ZZEF1: variants seen among roughly 807,000 people sequenced by gnomAD.
The protein encoded by ZZEF1 is zinc finger ZZ-type and EF-hand domain containing 1.
ZZEF1 carries 157 observed loss-of-function variants against 342.8 expected under a neutral mutation model. The ratio of observed to expected loss-of-function variants is 0.46; its 90% CI spans 0.40 to 0.52. ZZEF1 has a LOEUF of 0.52. ZZEF1 is among the 20% of genes least tolerant of loss of function. ZZEF1 has a pLI of 0.00. For missense variants in ZZEF1, 3,480 were observed against 3,725.6 expected (o/e 0.93, Z 1.72); for synonymous variants, 1,505 against 1,429.1 (o/e 1.05, Z -1.20).
At chr17:4,074,852 C>T (rs1398713678) in intron 23 of ZZEF1, among the ~76,000 whole-genome samples, 1 of 152,270 alleles carries the variant, frequency 6.6e-6, no homozygotes, top group Non-Finnish European at 1.5e-5. Flanking sequence ...AACTACTCAA[C>T]TCTGCCACTG....
At chr17:4,060,521 C>G (rs563768506) in intron 30 of ZZEF1, among the ~76,000 whole-genome samples, 1 of 150,646 alleles carries the variant, frequency 6.6e-6, no homozygotes, top group African/African-American at 2.5e-5. Flanking sequence ...TGCACTCCAG[C>G]CTGGGTGACA....
At chr17:4,057,501 C>G (rs1248677951) in intron 32 of ZZEF1, among the ~76,000 whole-genome samples, 2 of 151,984 alleles carry the variant, frequency 1.3e-5, no homozygotes, top group Non-Finnish European at 2.9e-5. Context: ...CGGGCCAAAT[C>G]GGAGGGAAAA....
At chr17:4,116,670 G>A (rs1363620326) in intron 3 of ZZEF1, among the ~76,000 whole-genome samples, 1 of 152,146 alleles carries the variant, frequency 6.6e-6, no homozygotes, top group Non-Finnish European at 1.5e-5. Flanking sequence ...AACAATAAGC[G>A]CGATTTCCAC....
Position 4,025,249 on chromosome 17 carries a change from C to G in ZZEF1, c.6893-131G>C. 3.4e-6 allele frequency: 3 copies of G among 876,904 alleles called. No individual in the cohort carries two copies. In the South Asian group the frequency reaches 5.1e-5, roughly 15 times the overall value. The allele number at this position is 876,904 out of a possible 1,614,324, so 54.3% of individuals were successfully genotyped here. On this transcript the variant is annotated intron_variant, in intron 42 of 54. Transcript: ENST00000381638. ...GAAACATAAATCTCTCGGGCTCAGT[C>G]TTAGCCAATAAAGCCAGCTTGCAGG...
chr17:4,133,207 T>A (rs1019901618), intron 1 of ZZEF1, among the ~76,000 whole-genome samples: 1 of 152,138 alleles, frequency 6.6e-6, no homozygotes, highest in Non-Finnish European at 1.5e-5. Context: ...GAATCAATAT[T>A]TGGGCACTCG....
rs1202729091 is a variant in ZZEF1 at position 4,022,843 on chromosome 17, A to G, written c.7093-15T>C. 1 of 1,613,262 alleles carries G rather than the reference A, an allele frequency of 6.2e-7. No individual in the cohort carries two copies. The highest frequency in any genetic ancestry group is 8.5e-7 in the Non-Finnish European group (1 of 1,179,516). On this transcript the variant is annotated splice_polypyrimidine_tract_variant and intron_variant, in intron 43 of 54. Coordinates refer to ENST00000381638, the MANE Select transcript of ZZEF1 (RefSeq NM_015113.4). ...AAACCGTGAGCCTGCCAAGCAGAAG[A>G]AGAATGATGTGTGACTGCCTTGGAG...
At chr17:4,091,186 G>A (rs1314316545) in intron 11 of ZZEF1, among the ~76,000 whole-genome samples, 1 of 152,198 alleles carries the variant, frequency 6.6e-6, no homozygotes, top group Non-Finnish European at 1.5e-5. Context: ...TGCCAGAAAA[G>A]AGGCAGGCTT....
chr17:4,088,709 A>G lies in ZZEF1; in HGVS notation c.2210T>C (p.Leu737Pro). 1 of 1,614,132 alleles carries G rather than the reference A, an allele frequency of 6.2e-7. No homozygotes were observed. The highest frequency in any genetic ancestry group is 8.5e-7 in the Non-Finnish European group (1 of 1,180,028). ...ATGGGCGAGCTGCTGGATAAACTGA[A>G]GGGTCCTGAGGAGCAACGTGGCCCC... ...VCGATLLLRT[L>P]QFIQQLAHDL... Residue 737 changes from leucine to proline, a missense_variant, in exon 13 of 55, where the codon CTT (leucine) becomes CCT (proline). By Grantham distance (98) the Leu-to-Pro change is moderately conservative. Transcript: ENST00000381638.
At chr17:4,121,157 T>C (rs1017190674) in intron 2 of ZZEF1, among the ~76,000 whole-genome samples, 1 of 152,194 alleles carries the variant, frequency 6.6e-6, no homozygotes, top group Non-Finnish European at 1.5e-5. Flanking sequence ...ATTTCAGCAG[T>C]TGCCCAGCAC....
In ZZEF1 at chr17:4,042,422, C is replaced by A; in HGVS notation, c.6306+7G>T. 6.2e-7 allele frequency: 1 copy of A among 1,607,758 alleles called. No homozygotes were observed. Among genetic ancestry groups the A allele is most frequent in the East Asian group, 2.2e-5 (1 of 44,790 alleles). Reference sequence around the variant, plus strand: ...CACCCCCACTTTTAAAAATAAATTGCCCTTACCGACTTTAAGGGAGGTAAC... The same window carrying A: ...CACCCCCACTTTTAAAAATAAATTGACCTTACCGACTTTAAGGGAGGTAAC... On this transcript the variant is annotated splice_region_variant and intron_variant, in intron 39 of 54. Coordinates refer to ENST00000381638, the MANE Select transcript of ZZEF1 (RefSeq NM_015113.4).
At position 4,017,353 on chromosome 17, in the gene ZZEF1, C is replaced by G; in HGVS notation, c.8001+18G>C. 10 of 1,567,526 alleles carry G rather than the reference C, an allele frequency of 6.4e-6. No individual in the cohort carries two copies. Among genetic ancestry groups the G allele is most frequent in the Non-Finnish European group, 8.7e-6 (10 of 1,154,698 alleles). ...GAAGAACCTGGTGGGTGAGCACAAG[C>G]TCAGTCTGCATAACTACCTTCTCCC... On this transcript the variant is annotated intron_variant, in intron 48 of 54. Coordinates refer to ENST00000381638, the MANE Select transcript of ZZEF1 (RefSeq NM_015113.4). The surrounding 1 kb of genome is among the most constrained non-coding windows in gnomAD (Gnocchi z 5.1).
intron 18 of ZZEF1, among the ~76,000 whole-genome samples, chr17:4,079,791 A>G (rs1329968553): frequency 2.0e-5 from 3 of 152,214 alleles, no homozygotes; most frequent in Admixed American, 1.3e-4. Flanking sequence ...GCAGCTGGGA[A>G]TGAATGAAAT....
intron 39 of ZZEF1, among the ~76,000 whole-genome samples, 197 bp from the exon 40 acceptor site, chr17:4,034,489 A>T (rs2056618700): frequency 6.6e-6 from 1 of 152,172 alleles, no homozygotes; most frequent in Admixed American, 6.5e-5. Context: ...CCTACTTCTA[A>T]TATTTCTTTA....
chr17:4,013,730 C>T, intron 51 of ZZEF1, 116 bp from the exon 52 acceptor site: 2 of 1,158,724 alleles, frequency 1.7e-6, no homozygotes, highest in South Asian at 4.1e-5. Context: ...ATAAACTGCT[C>T]AAATTTTAAT....
chr17:4,098,183 A>C (rs1392709800), intron 9 of ZZEF1, among the ~76,000 whole-genome samples: 2 of 150,872 alleles, frequency 1.3e-5, no homozygotes, highest in Non-Finnish European at 2.9e-5. Flanking sequence ...GGATGCAGTA[A>C]GCTGAGATCT....
At chr17:4,081,310 A>G in intron 18 of ZZEF1, 66 bp downstream of exon 18, 6 of 1,308,832 alleles carry the variant, frequency 4.6e-6, no homozygotes, top group Non-Finnish European at 6.6e-6. Context: ...GGGGCACAAG[A>G]GACTGCCACA....
chr17:4,116,963 C>T lies in ZZEF1; in HGVS notation c.694+9G>A. 1 of 1,579,988 alleles carries T rather than the reference C, an allele frequency of 6.3e-7. No homozygotes were observed. The highest frequency in any genetic ancestry group is 8.6e-7 in the Non-Finnish European group (1 of 1,157,598). On this transcript the variant is annotated intron_variant, in intron 3 of 54. Coordinates refer to ENST00000381638, the MANE Select transcript of ZZEF1 (RefSeq NM_015113.4). ...GAGTATTTTCAGGAGAACCCCCACA[C>T]ACACATACCCTTTTCCTTTTGTACC...
rs1316179308 is a variant in ZZEF1, at chr17:4,104,696, A to G, written c.1510T>C (p.Tyr504His). The G allele has an allele frequency of 6.2e-7, 1 of 1,614,060 alleles. No homozygotes were observed. The highest frequency in any genetic ancestry group is 1.1e-5 in the South Asian group (1 of 91,078). The change falls in exon 8 of 55, where the codon TAT becomes CAT. Residue 504 changes from tyrosine to histidine, a missense_variant. Tyr to His is a moderately conservative substitution (Grantham distance 83). Transcript: ENST00000381638. ...CTITDHLDTQ[Y>H]DASSLILSMA... Reference sequence around the variant, plus strand: ...GACAAGATGAGGGATGAGGCATCATACTGCGTGTCCAGATGGTCAGTGATG... The same window carrying G: ...GACAAGATGAGGGATGAGGCATCATGCTGCGTGTCCAGATGGTCAGTGATG...
intron 29 of ZZEF1, 116 bp from the exon 30 acceptor site, chr17:4,063,033 T>C (rs2057317656): frequency 1.9e-6 from 2 of 1,037,334 alleles, no homozygotes; most frequent in Non-Finnish European, 2.7e-6. Context: ...TATTGTGAGG[T>C]ATTAGAAACA....
Sources: allele counts gnomAD v4.1 joint callset (sites outside exome capture counted in the v4.1 genomes callset), GRCh38; gene constraint gnomAD v4.1.1; non-coding constraint Gnocchi (gnomAD v3.1); transcripts MANE v1.5; gene names NCBI Gene and HGNC (gene_info 2026-07-23, HGNC 2026-07-21).